Variants in NTNG2 observed in about 807,000 individuals in gnomAD.
The protein encoded by NTNG2 is netrin G2, also known as netrin-G2.
A neutral mutation model predicts 47.6 loss-of-function variants in NTNG2; 15 were observed. The ratio of observed to expected loss-of-function variants is 0.32; its 90% CI spans 0.21 to 0.49. The LOEUF is 0.49. Ranked by LOEUF, NTNG2 falls within the 20% of genes least tolerant of loss-of-function variation. The pLI is 0.99. For synonymous variants in NTNG2, 307 were observed against 324.6 expected (o/e 0.95, Z 0.58); for missense variants, 578 against 764.6 (o/e 0.76, Z 2.88).
chr9:132,190,567 G>C (rs1267203678), intron 2 of NTNG2, among the ~76,000 whole-genome samples: 5 of 152,176 alleles, frequency 3.3e-5, no homozygotes, highest in African/African-American at 1.2e-4. Flanking sequence ...AAATGGCTGG[G>C]CTTCCCACAG....
At chr9:132,214,185 G>A (rs11243673) in intron 3 of NTNG2, among the ~76,000 whole-genome samples, 1 of 152,366 alleles carries the variant, frequency 6.6e-6, no homozygotes, top group East Asian at 1.9e-4. Flanking sequence ...GCAGCCAGGA[G>A]TTGACCTACA....
chr9:132,240,264 CAG>C (rs1413954064), intron 6 of NTNG2, among the ~76,000 whole-genome samples: 3 of 152,278 alleles, frequency 2.0e-5, no homozygotes, highest in Non-Finnish European at 4.4e-5. Context: ...GCTGACGTCA[CAG>C]GGGGCCAGCT....
chr9:132,234,355 T>A (rs907882676), intron 5 of NTNG2, among the ~76,000 whole-genome samples: 3 of 152,180 alleles, frequency 2.0e-5, no homozygotes, highest in Non-Finnish European at 4.4e-5. Flanking sequence ...AGGCCTGGCT[T>A]GCAGGGCTTC....
chr9:132,200,519 T>C (rs139857272), intron 3 of NTNG2, among the ~76,000 whole-genome samples: 161 of 152,314 alleles, frequency 1.1e-3, no homozygotes, highest in African/African-American at 3.7e-3. Context: ...AAAAACATCA[T>C]GGGTTGGGGA....
At chr9:132,230,771 C>T (rs1423025974) in intron 5 of NTNG2, among the ~76,000 whole-genome samples, 176 bp downstream of exon 5, 1 of 148,596 alleles carries the variant, frequency 6.7e-6, no homozygotes, top group Non-Finnish European at 1.5e-5. Flanking sequence ...CCCTCCACCT[C>T]CCCCCCTCCA....
At chr9:132,207,357 T>G (rs1839241965) in intron 3 of NTNG2, among the ~76,000 whole-genome samples, 1 of 152,112 alleles carries the variant, frequency 6.6e-6, no homozygotes, top group Non-Finnish European at 1.5e-5. Flanking sequence ...TCCCATACCC[T>G]CCGCCCTCCG....
rs1321792111 is a variant in NTNG2, at chr9:132,208,664, G to A, written c.857+10055G>A. On this transcript the variant is annotated intron_variant, in intron 3 of 7. Transcript: ENST00000393229. The surrounding 1 kb of genome is among the most constrained non-coding windows in gnomAD (Gnocchi z 4.0). ...TCTGGCTTTGAGACACTGGGTGGAT[G>A]GAAATTTTGCCTTGTCAAATGGGGA... 6.6e-6 allele frequency among the ~76,000 whole-genome samples: 1 copy of A among 152,148 alleles called. No individual in the cohort carries two copies. Among genetic ancestry groups the A allele is most frequent in the Non-Finnish European group, 1.5e-5 (1 of 68,022 alleles).
intron 4 of NTNG2, among the ~76,000 whole-genome samples, chr9:132,228,395 C>T (rs978162516): frequency 1.3e-5 from 2 of 152,210 alleles, no homozygotes; most frequent in Admixed American, 6.5e-5. Context: ...CTCCTCCCAG[C>T]TTCCTGTCCC....
chr9:132,166,999 C>T lies in NTNG2; in HGVS notation c.168C>T (p.Pro56=), dbSNP rs763691499. The part of the protein sequence containing the change: ...LKDYVKVKVE[P]SGITCGDPPE... ...ACTACGTCAAGGTGAAGGTGGAGCC[C>T]TCAGGCATCACATGTGGAGACCCCC... is the stretch of plus-strand genomic sequence containing the variant. Residue 56 remains proline, a synonymous_variant, in exon 2 of 8, where the codon CCC becomes CCT. Coordinates refer to ENST00000393229, the MANE Select transcript of NTNG2 (RefSeq NM_032536.4). 21 of 1,614,144 alleles carry T rather than the reference C, an allele frequency of 1.3e-5. No homozygotes were observed. In the Middle Eastern group the frequency reaches 4.9e-4, roughly 38 times the overall value.
rs549951335 is a variant in NTNG2 at position 132,180,795 on chromosome 9, C to T, written c.213+13751C>T. Among the ~76,000 whole-genome samples the T allele has an allele frequency of 6.6e-5, 10 of 152,316 alleles. No homozygotes were observed. Among genetic ancestry groups the T allele is most frequent in the Admixed American group, 3.3e-4 (5 of 15,294 alleles). On this transcript the variant is annotated intron_variant, in intron 2 of 7. Transcript: ENST00000393229. The surrounding 1 kb of genome is among the most constrained non-coding windows in gnomAD (Gnocchi z 4.2). Reference sequence around the variant, plus strand: ...GGAACCTACCCAGAAAACCCTGGAGCGGGAGCTTCTCACTTTTAATGGTCA... The same window carrying T: ...GGAACCTACCCAGAAAACCCTGGAGTGGGAGCTTCTCACTTTTAATGGTCA...
intron 6 of NTNG2, 169 bp from the exon 7 acceptor site, chr9:132,240,741 C>G: frequency 1.1e-6 from 1 of 950,726 alleles, no homozygotes. Context: ...GCCTGGCCAC[C>G]CTGGGAAGTC....
chr9:132,232,973 C>T (rs4413904), intron 5 of NTNG2: 2,344 of 152,450 alleles, frequency 0.015, 28 homozygotes, highest in South Asian at 0.047. Context: ...CAGCACACCC[C>T]ACCTCTTTCT....
intron 3 of NTNG2, among the ~76,000 whole-genome samples, chr9:132,223,360 G>A (rs968567797): frequency 6.6e-6 from 1 of 152,132 alleles, no homozygotes; most frequent in African/African-American, 2.4e-5. Context: ...GGACAGAGGC[G>A]GGACAGAGCC....
intron 3 of NTNG2, among the ~76,000 whole-genome samples, chr9:132,224,430 G>A (rs114366000): frequency 2.0e-5 from 3 of 151,946 alleles, no homozygotes; most frequent in Non-Finnish European, 2.9e-5. Context: ...TGGTTTCACC[G>A]CCCTAAAAAT....
chr9:132,238,932 C>A, intron 5 of NTNG2, 172 bp from the exon 6 acceptor site: 1 of 699,864 alleles, frequency 1.4e-6, no homozygotes. Context: ...GGAGGCCTCT[C>A]TCTTCCTGAA....
At chr9:132,214,898 G>T (rs971331209) in intron 3 of NTNG2, among the ~76,000 whole-genome samples, 2 of 150,736 alleles carry the variant, frequency 1.3e-5, no homozygotes, top group South Asian at 2.1e-4. Flanking sequence ...TAGAGACAGG[G>T]TCTTGCTCTG....
rs974792140 is a variant in NTNG2, at chr9:132,236,301, C to T, written c.1055-2803C>T. On this transcript the variant is annotated intron_variant, in intron 5 of 7. Coordinates refer to ENST00000393229, the MANE Select transcript of NTNG2 (RefSeq NM_032536.4). The surrounding 1 kb of genome is among the most constrained non-coding windows in gnomAD (Gnocchi z 4.3). ...AATGTGTGGGTTAAAGGAGGGAGGG[C>T]GGGGTCCTGGAAGACACTGACATCC... Among the ~76,000 whole-genome samples, 3 of 152,120 alleles carry T rather than the reference C, an allele frequency of 2.0e-5. No individual in the cohort carries two copies. The highest frequency in any genetic ancestry group is 2.9e-5 in the Non-Finnish European group (2 of 68,006).
chr9:132,219,171 C>G (rs1000702876), intron 3 of NTNG2, among the ~76,000 whole-genome samples: 1 of 149,708 alleles, frequency 6.7e-6, no homozygotes, highest in Non-Finnish European at 1.5e-5. Flanking sequence ...GAGCTGTGAT[C>G]GTGACACTAC....
In NTNG2 at chr9:132,207,568, C is replaced by A. The variant is rs182321839; in HGVS notation, c.857+8959C>A. Among the ~76,000 whole-genome samples the A allele has an allele frequency of 3.2e-4, 48 of 152,342 alleles. 1 individual carries two copies. In the East Asian group the frequency reaches 8.5e-3, roughly 27 times the overall value. On this transcript the variant is annotated intron_variant, in intron 3 of 7. Transcript: ENST00000393229. ...AGCATGACCTCAGCTTAACTTACAT[C>A]CTCATCCACATCCACAAAACCCCGT...
Sources: gnomAD v4.1 joint callset for allele counts (sites outside exome capture counted in the v4.1 genomes callset) on GRCh38, gnomAD v4.1.1 for gene constraint, Gnocchi (gnomAD v3.1) non-coding constraint, MANE v1.5 for transcripts, NCBI Gene and HGNC (gene_info 2026-07-23, HGNC 2026-07-21) for gene names.